Variants in PDE10A observed in about 807,000 individuals in gnomAD.
PDE10A encodes the protein cAMP and cAMP-inhibited cGMP 3',5'-cyclic phosphodiesterase 10A.
PDE10A carries 39 observed loss-of-function variants against 97.7 expected under a neutral mutation model. The observed-to-expected ratio is 0.40, with a 90% CI of 0.31 to 0.52. The LOEUF is 0.52. PDE10A is among the 20% of genes least tolerant of loss of function. The pLI is 0.56. For synonymous variants in PDE10A, 371 were observed against 376.8 expected, an observed-to-expected ratio of 0.98 and a Z score of 0.18; for missense variants, 731 against 1,047.8, an observed-to-expected ratio of 0.70 and a Z score of 4.17.
At chr6:165,342,687 A>G (rs1487411856) in intron 19 of PDE10A, among the ~76,000 whole-genome samples, 1 of 152,198 alleles carries the variant, frequency 6.6e-6, no homozygotes, top group Non-Finnish European at 1.5e-5. Flanking sequence ...TACTCAAAAG[A>G]TTTACAGCTT....
chr6:165,917,042 A>G (rs890918490), intron 1 of PDE10A, among the ~76,000 whole-genome samples: 4 of 152,104 alleles, frequency 2.6e-5, no homozygotes, highest in African/African-American at 9.7e-5. Flanking sequence ...AGGATTGGTT[A>G]TCTCAGCAGT....
chr6:165,757,517 T>C (rs554051989), intron 1 of PDE10A, among the ~76,000 whole-genome samples: 1 of 152,330 alleles, frequency 6.6e-6, no homozygotes, highest in East Asian at 1.9e-4. Context: ...TTTCCTTTTT[T>C]CCATTTAAAT....
chr6:165,339,420 A>G, intron 19 of PDE10A, 62 bp from the exon 20 acceptor site: 1 of 958,566 alleles, frequency 1.0e-6, no homozygotes, highest in Non-Finnish European at 1.7e-6. Flanking sequence ...CTATTTTGAT[A>G]TTATTGAATT....
chr6:165,672,112 G>A (rs894378170), intron 1 of PDE10A, among the ~76,000 whole-genome samples: 3 of 152,134 alleles, frequency 2.0e-5, no homozygotes, highest in African/African-American at 7.2e-5. Context: ...AATTGTTCCT[G>A]TATTTACAAC....
intron 1 of PDE10A, among the ~76,000 whole-genome samples, chr6:165,912,150 ACTAT>A (rs879742076): frequency 1.2e-3 from 178 of 151,756 alleles, no homozygotes; most frequent in South Asian, 6.0e-3. Context: ...TATCTATCTA[ACTAT>A]CTAACTCTCT....
intron 1 of PDE10A, among the ~76,000 whole-genome samples, chr6:165,906,011 CCT>C (rs1562791942): frequency 3.3e-4 from 13 of 39,518 alleles, no homozygotes; most frequent in South Asian, 1.2e-3. Context: ...TTCCTTCCTT[CCT>C]TCCCTCCCTC....
intron 1 of PDE10A, among the ~76,000 whole-genome samples, chr6:165,778,345 C>T (rs1778252442): frequency 6.6e-6 from 1 of 152,232 alleles, no homozygotes; most frequent in South Asian, 2.1e-4. Context: ...GCTGGGATTA[C>T]AGGCGTGAGC....
chr6:165,418,537 G>T lies in PDE10A; in HGVS notation c.1796+98C>A. On this transcript the variant is annotated intron_variant, in intron 11 of 21. Transcript: ENST00000539869. The surrounding 1 kb of genome is among the most constrained non-coding windows in gnomAD (Gnocchi z 4.8). ...TGGGAATGATATCACAGTATGACAA[G>T]TATTGTCAGCATACCTGTGAATAGG... 9.2e-7 allele frequency: 1 copy of T among 1,088,810 alleles called. No homozygotes were observed. The highest frequency in any genetic ancestry group is 1.4e-6 in the Non-Finnish European group (1 of 737,496). The allele number at this position is 1,088,810 out of a possible 1,614,324, so 67.4% of individuals were successfully genotyped here. A position where few individuals can be genotyped will look rare whatever the true frequency, so the allele number is the denominator to read the frequency against.
At chr6:165,914,021 TAA>T (rs1782537861) in intron 1 of PDE10A, among the ~76,000 whole-genome samples, 1 of 152,250 alleles carries the variant, frequency 6.6e-6, no homozygotes, top group Admixed American at 6.5e-5. Flanking sequence ...CTAAATATCT[TAA>T]GTGTCACCAA....
At chr6:165,868,259 T>A (rs545617346) in intron 1 of PDE10A, among the ~76,000 whole-genome samples, 1 of 151,992 alleles carries the variant, frequency 6.6e-6, no homozygotes, top group African/African-American at 2.4e-5. Flanking sequence ...ACAAAATTGA[T>A]AGACTGCTAG....
intron 1 of PDE10A, among the ~76,000 whole-genome samples, chr6:165,679,224 G>T (rs1266283525): frequency 6.6e-6 from 1 of 152,202 alleles, no homozygotes; most frequent in Non-Finnish European, 1.5e-5. Flanking sequence ...GATTAGAAAA[G>T]AATGAGAAAA....
chr6:165,389,219 C>T (rs1478917038), intron 16 of PDE10A, among the ~76,000 whole-genome samples: 1 of 152,168 alleles, frequency 6.6e-6, no homozygotes, highest in Non-Finnish European at 1.5e-5. Context: ...ACTATTATTA[C>T]ACGGTTTTTA....
chr6:165,747,485 A>C (rs1792869079), intron 1 of PDE10A, among the ~76,000 whole-genome samples: 1 of 152,242 alleles, frequency 6.6e-6, no homozygotes, highest in South Asian at 2.1e-4. Flanking sequence ...TAGATGAAGA[A>C]AATGAGATAA....
chr6:165,521,148 G>A (rs1036770971), intron 2 of PDE10A, among the ~76,000 whole-genome samples: 1 of 152,108 alleles, frequency 6.6e-6, no homozygotes, highest in Non-Finnish European at 1.5e-5. Context: ...AGTGATCTTT[G>A]ATGATATTAC....
intron 2 of PDE10A, among the ~76,000 whole-genome samples, chr6:165,523,223 C>A (rs1583461865): frequency 6.6e-6 from 1 of 152,096 alleles, no homozygotes; most frequent in Admixed American, 6.6e-5. Flanking sequence ...CAGTGCCATT[C>A]CCATCAAACT....
chr6:165,609,003 T>A (rs1052167254), intron 1 of PDE10A, among the ~76,000 whole-genome samples: 1 of 152,242 alleles, frequency 6.6e-6, no homozygotes, highest in African/African-American at 2.4e-5. Context: ...AGATTCTGGA[T>A]ATTAGCCCTT....
intron 1 of PDE10A, among the ~76,000 whole-genome samples, chr6:165,977,387 C>G (rs1253136967): frequency 6.6e-6 from 1 of 152,198 alleles, no homozygotes; most frequent in African/African-American, 2.4e-5. Context: ...GACGGTATAA[C>G]TTGGTGATGG....
At chr6:165,884,958 G>A (rs1240341700) in intron 1 of PDE10A, among the ~76,000 whole-genome samples, 1 of 152,202 alleles carries the variant, frequency 6.6e-6, no homozygotes, top group Non-Finnish European at 1.5e-5. Context: ...GCAAGGCTGT[G>A]TCGTCCTGTG....
At position 165,582,767 on chromosome 6, in the gene PDE10A, C is replaced by G. The variant is rs769184107; in HGVS notation, c.866-39199G>C. Among the ~76,000 whole-genome samples the G allele has an allele frequency of 2.1e-3, 313 of 151,844 alleles. 1 individual carries two copies. The highest frequency in any genetic ancestry group is 2.8e-3 in the Non-Finnish European group (187 of 67,994). On this transcript the variant is annotated intron_variant, in intron 1 of 21. Transcript: ENST00000539869. ...GTATAGATGACTCTCTATTTACGAA[C>G]TTTTATCTCTTGAAGTTCTTTACTT... is the stretch of plus-strand genomic sequence containing the variant.
Sources: allele counts gnomAD v4.1 joint callset (sites outside exome capture counted in the v4.1 genomes callset), GRCh38; gene constraint gnomAD v4.1.1; non-coding constraint Gnocchi (gnomAD v3.1); transcripts MANE v1.5; gene names NCBI Gene and HGNC (gene_info 2026-07-23, HGNC 2026-07-21).